SNX27: variants seen among roughly 807,000 people sequenced by gnomAD.
SNX27 encodes the protein sorting nexin 27.
In SNX27, 22 loss-of-function variants were observed where a neutral mutation model predicts 71.6. The observed-to-expected ratio is 0.31, with a 90% CI of 0.22 to 0.44. The LOEUF is 0.44. Ranked by LOEUF, SNX27 falls within the 20% of genes least tolerant of loss-of-function variation. The pLI, the probability that SNX27 is intolerant of heterozygous loss-of-function variation, is 1.00. For missense variants in SNX27, 531 were observed against 698.6 expected, an observed-to-expected ratio of 0.76 and a Z score of 2.70; for synonymous variants, 269 against 277.2, an observed-to-expected ratio of 0.97 and a Z score of 0.29.
intron 7 of SNX27, chr1:151,678,883 C>G (rs1255550930): frequency 6.6e-6 from 1 of 151,974 alleles, no homozygotes; most frequent in Admixed American, 6.6e-5. Context: ...ATCACCAAGC[C>G]CAGCTAATTT....
chr1:151,692,671 G>C (rs989019630), intron 9 of SNX27, 87 bp downstream of exon 9: 190 of 1,541,206 alleles, frequency 1.2e-4, no homozygotes, highest in Non-Finnish European at 1.6e-4. Flanking sequence ...CCATTTTAGG[G>C]GGAAATGAAA....
chr1:151,680,557 C>T (rs1216622388), intron 7 of SNX27: 1 of 152,152 alleles, frequency 6.6e-6, no homozygotes, highest in Admixed American at 6.5e-5. Flanking sequence ...TGTGACCCAC[C>T]TCTGCCTTGG....
chr1:151,657,515 A>G lies in SNX27; in HGVS notation c.544-720A>G, dbSNP rs531956573. Among the ~76,000 whole-genome samples the G allele has an allele frequency of 2.6e-5, 4 of 152,252 alleles. No individual in the cohort carries two copies. In the South Asian group the frequency reaches 8.3e-4, roughly 32 times the overall value. On this transcript the variant is annotated intron_variant, in intron 2 of 11. Transcript: ENST00000458013. Reference sequence around the variant, plus strand: ...GCCTTTTCTTTGGAATCAACTTTAGAGCCAGTTTAGGCCACACACGAGTAT... The same window carrying G: ...GCCTTTTCTTTGGAATCAACTTTAGGGCCAGTTTAGGCCACACACGAGTAT...
In SNX27 at chr1:151,612,608, C is replaced by A. The variant is rs1667230567; in HGVS notation, c.311+96C>A. 3 of 995,662 alleles carry A rather than the reference C, an allele frequency of 3.0e-6. No homozygotes were observed. Among genetic ancestry groups the A allele is most frequent in the Admixed American group, 4.3e-5 (1 of 23,340 alleles). 61.7% of individuals were successfully genotyped at this position (995,662 alleles called of 1,614,324 possible). On this transcript the variant is annotated intron_variant, in intron 1 of 11. Transcript: ENST00000458013. This position sits in a 1 kb window ranked among gnomAD's most constrained non-coding sequence, Gnocchi z 5.2. The stretch of plus-strand genomic sequence containing the variant: ...TGTCACCCCCAGGCCGCACCTCCCC[C>A]GAGCTCCGAGCCGGCCTCCGGACCC...
intron 1 of SNX27, among the ~76,000 whole-genome samples, chr1:151,617,206 T>C (rs1046716920): frequency 6.6e-6 from 1 of 152,200 alleles, no homozygotes; most frequent in African/African-American, 2.4e-5. Flanking sequence ...TTAATATTAA[T>C]AGTTATAATA....
At chr1:151,673,358 C>T (rs1670528132) in intron 7 of SNX27, among the ~76,000 whole-genome samples, 1 of 151,964 alleles carries the variant, frequency 6.6e-6, no homozygotes, top group Non-Finnish European at 1.5e-5. Context: ...TGGTCAGATA[C>T]TTGATCATAT....
intron 6 of SNX27, chr1:151,666,960 G>A (rs919243646): frequency 6.6e-6 from 1 of 151,978 alleles, no homozygotes; most frequent in African/African-American, 2.4e-5. Flanking sequence ...GTCTTTTGTA[G>A]TGTTATAAAG....
At chr1:151,643,409 C>G (rs973095662) in intron 2 of SNX27, among the ~76,000 whole-genome samples, 1 of 151,872 alleles carries the variant, frequency 6.6e-6, no homozygotes, top group African/African-American at 2.4e-5. Flanking sequence ...ATTCTCCTGC[C>G]TCAGCCTCCC....
chr1:151,687,806 G>A (rs1279956964), intron 8 of SNX27, among the ~76,000 whole-genome samples: 1 of 152,040 alleles, frequency 6.6e-6, no homozygotes, highest in Non-Finnish European at 1.5e-5. Context: ...AAATTAGCCG[G>A]GCGTGGTGGC....
At position 151,646,005 on chromosome 1, in the gene SNX27, CTTTA is replaced by C. The variant is rs1669018499; in HGVS notation, c.543+6892_543+6895del. Among the ~76,000 whole-genome samples, 3 of 152,246 alleles carry C rather than the reference CTTTA, an allele frequency of 2.0e-5. No homozygotes were observed. The South Asian group carries it at 6.2e-4, about 32-fold the overall frequency. ...GAGTTTTCAGTTCTGTCAGGTTTTT[CTTTA>C]TTTATAATGAATATTATATCTTGAT... On this transcript the variant is annotated intron_variant, in intron 2 of 11. Coordinates refer to ENST00000458013, the MANE Select transcript of SNX27 (RefSeq NM_001330723.2).
At chr1:151,665,785 G>A (rs1424189074) in intron 5 of SNX27, 148 bp from the exon 6 acceptor site, 4 of 530,394 alleles carry the variant, frequency 7.5e-6, no homozygotes, top group Non-Finnish European at 1.4e-5. Flanking sequence ...TACAAAGAAG[G>A]ATAGCTATGG....
rs1208182071 is a variant in SNX27, at chr1:151,612,097, A to G, written c.-105A>G. 4 of 1,190,014 alleles carry G rather than the reference A, an allele frequency of 3.4e-6. No homozygotes were observed. The highest frequency in any genetic ancestry group is 4.3e-6 in the Non-Finnish European group (4 of 933,576). 73.7% of individuals were successfully genotyped at this position (1,190,014 alleles called of 1,614,324 possible). A position where few individuals can be genotyped will look rare whatever the true frequency, so the allele number is the denominator to read the frequency against. On this transcript the variant is annotated 5_prime_UTR_variant, in exon 1 of 12. Transcript: ENST00000458013. This position sits in a 1 kb window ranked among gnomAD's most constrained non-coding sequence, Gnocchi z 5.2. ...GCCGAGTCGGTCCCGCGGCCGGCGGATCGGGCGCGCGCGTCGGGGGTCGTC... is the reference window on the plus strand; with the variant it reads ...GCCGAGTCGGTCCCGCGGCCGGCGGGTCGGGCGCGCGCGTCGGGGGTCGTC...
intron 7 of SNX27, among the ~76,000 whole-genome samples, chr1:151,682,187 G>A (rs898273893): frequency 6.6e-6 from 1 of 152,216 alleles, no homozygotes; most frequent in Non-Finnish European, 1.5e-5. Flanking sequence ...ATGCTTGAGC[G>A]CTTGCCAGAT....
In SNX27 at chr1:151,612,088, G is replaced by C. The variant is rs965242825; in HGVS notation, c.-114G>C. 22 of 1,165,502 alleles carry C rather than the reference G, an allele frequency of 1.9e-5. No individual in the cohort carries two copies. The highest frequency in any genetic ancestry group is 2.3e-5 in the Non-Finnish European group (21 of 909,672). 72.2% of individuals were successfully genotyped at this position (1,165,502 alleles called of 1,614,324 possible). On this transcript the variant is annotated 5_prime_UTR_variant, in exon 1 of 12. Coordinates refer to ENST00000458013, the MANE Select transcript of SNX27 (RefSeq NM_001330723.2). This position sits in a 1 kb window ranked among gnomAD's most constrained non-coding sequence, Gnocchi z 5.2. Reference sequence around the variant, plus strand: ...AGCTCGGTGGCCGAGTCGGTCCCGCGGCCGGCGGATCGGGCGCGCGCGTCG... The same window carrying C: ...AGCTCGGTGGCCGAGTCGGTCCCGCCGCCGGCGGATCGGGCGCGCGCGTCG...
chr1:151,683,161 C>T (rs535562908), intron 7 of SNX27, among the ~76,000 whole-genome samples, 195 bp from the exon 8 acceptor site: 1 of 152,252 alleles, frequency 6.6e-6, no homozygotes, highest in South Asian at 2.1e-4. Context: ...ATGGGGACTA[C>T]AATTTGAGAT....
chr1:151,639,868 G>A (rs915536883), intron 2 of SNX27, among the ~76,000 whole-genome samples: 5 of 152,130 alleles, frequency 3.3e-5, no homozygotes, highest in African/African-American at 9.7e-5. Flanking sequence ...ATTATTTGTG[G>A]AGTGTTGATA....
intron 7 of SNX27, chr1:151,679,408 C>G (rs1393439032): frequency 6.6e-6 from 1 of 152,106 alleles, no homozygotes; most frequent in Admixed American, 6.5e-5. Context: ...TATTTAAATT[C>G]TGGCTAAACC....
intron 7 of SNX27, among the ~76,000 whole-genome samples, chr1:151,681,233 A>ATTTTTTTTTTTTTTTTTTTT (rs1558071789): frequency 2.3e-5 from 2 of 87,376 alleles, no homozygotes; most frequent in East Asian, 3.3e-4. Context: ...TAGTCTCTCA[A>ATTTTTTTTTTTTTTTTTTTT]TCTTTTTTTT....
intron 6 of SNX27, chr1:151,667,012 G>A (rs1451601183): frequency 2.6e-5 from 4 of 152,070 alleles, no homozygotes; most frequent in Non-Finnish European, 5.9e-5. Context: ...AGCAGTTTGG[G>A]AGGCCGAGGC....
Sources: gnomAD v4.1 joint callset for allele counts (sites outside exome capture counted in the v4.1 genomes callset) on GRCh38, gnomAD v4.1.1 for gene constraint, Gnocchi (gnomAD v3.1) non-coding constraint, MANE v1.5 for transcripts, NCBI Gene and HGNC (gene_info 2026-07-23, HGNC 2026-07-21) for gene names.